The following DSTYK variants were observed in gnomAD, a reference collection of about 807,000 sequenced individuals.
DSTYK encodes RIP-homologous kinase.
DSTYK carries 34 observed loss-of-function variants against 98.7 expected under a neutral mutation model. That is an observed-to-expected ratio of 0.34 (90% CI 0.26 to 0.46). The LOEUF (loss-of-function observed/expected upper bound fraction) is 0.46, where lower values mean the gene tolerates loss of function less well. DSTYK is among the 20% of genes least tolerant of loss of function. The pLI, the probability that DSTYK is intolerant of heterozygous loss-of-function variation, is 1.00. For synonymous variants in DSTYK, 462 were observed against 457.3 expected (o/e 1.01, Z -0.13); for missense variants, 962 against 1,181.7 (o/e 0.81, Z 2.73).
Position 205,208,880 on chromosome 1 carries a change from G to A in DSTYK, c.265+2391C>T, listed in dbSNP as rs111918929. ...TGCATCCCTCAAATATACATATTAAGTGTCCCTTCACTAACTTTCCTTGGT... is the reference window on the plus strand; with the variant it reads ...TGCATCCCTCAAATATACATATTAAATGTCCCTTCACTAACTTTCCTTGGT... On this transcript the variant is annotated intron_variant, in intron 1 of 12. Coordinates refer to ENST00000367162, the MANE Select transcript of DSTYK (RefSeq NM_015375.3). Among the ~76,000 whole-genome samples, 1,262 of 152,234 alleles carry A rather than the reference G, an allele frequency of 8.3e-3. 21 individuals are homozygous for A. Among genetic ancestry groups the A allele is most frequent in the African/African-American group, 0.029 (1,208 of 41,544 alleles).
At chr1:205,206,465 C>T (rs1266791485) in intron 1 of DSTYK, among the ~76,000 whole-genome samples, 1 of 149,736 alleles carries the variant, frequency 6.7e-6, no homozygotes, top group African/African-American at 2.5e-5. Flanking sequence ...TTTTAGTAGA[C>T]ATGGGGTTTC....
chr1:205,187,417 C>T lies in DSTYK; in HGVS notation c.654+1G>A, dbSNP rs201091809. 588 of 1,602,522 alleles carry T rather than the reference C, an allele frequency of 3.7e-4. No homozygotes were observed. The highest frequency in any genetic ancestry group is 8.4e-4 in the Admixed American group (50 of 59,186). On this transcript the variant is annotated splice_donor_variant, in intron 2 of 12. Transcript: ENST00000367162. LOFTEE classifies it high-confidence loss of function. Reference sequence around the variant, plus strand: ...TTGGTATAGAAGTATGAGATTGGTACCTGTAAGAGAGCATGGTGCATCGTT... The same window carrying T: ...TTGGTATAGAAGTATGAGATTGGTATCTGTAAGAGAGCATGGTGCATCGTT...
intron 1 of DSTYK, among the ~76,000 whole-genome samples, chr1:205,194,390 G>A (rs1658800903): frequency 6.6e-6 from 1 of 152,108 alleles, no homozygotes; most frequent in Non-Finnish European, 1.5e-5. Flanking sequence ...ACAAAAGTTG[G>A]TGAAATAGAA....
intron 1 of DSTYK, among the ~76,000 whole-genome samples, chr1:205,205,954 C>T (rs886371608): frequency 1.3e-5 from 2 of 152,122 alleles, no homozygotes; most frequent in African/African-American, 4.8e-5. Context: ...TTTTTATGTA[C>T]GTGTTTTATG....
rs563027124 is a variant in DSTYK, at chr1:205,143,709, G to A, written c.*3849C>T. On this transcript the variant is annotated 3_prime_UTR_variant, in exon 13 of 13. Coordinates refer to ENST00000367162, the MANE Select transcript of DSTYK (RefSeq NM_015375.3). ...TGTCACTTTGCAGCCCTGCAACCCC[G>A]AGGCACTTCTTCCATGAGGAAGAAC... 2.6e-5 allele frequency: 4 copies of A among 152,688 alleles called. No individual in the cohort carries two copies. The South Asian group carries it at 6.2e-4, about 24-fold the overall frequency. 9.5% of individuals were successfully genotyped at this position (152,688 alleles called of 1,614,324 possible).
At chr1:205,194,751 A>G (rs1181487565) in intron 1 of DSTYK, among the ~76,000 whole-genome samples, 2 of 151,916 alleles carry the variant, frequency 1.3e-5, no homozygotes, top group African/African-American at 2.4e-5. Context: ...GCTGGAGTGC[A>G]GTAGCATGAT....
chr1:205,211,647 C>G lies in DSTYK; in HGVS notation c.-112G>C. 1 of 1,363,084 alleles carries G rather than the reference C, an allele frequency of 7.3e-7. No homozygotes were observed. The highest frequency in any genetic ancestry group is 1.5e-5 in the African/African-American group (1 of 64,930). 84.4% of individuals were successfully genotyped at this position (1,363,084 alleles called of 1,614,324 possible). ...AGGAATCCGCCTCCTGACGCCCCCG[C>G]CTGCAGTCAGCCTGGCTCCCAACCT... On this transcript the variant is annotated 5_prime_UTR_variant, in exon 1 of 13. Transcript: ENST00000367162.
intron 2 of DSTYK, among the ~76,000 whole-genome samples, chr1:205,170,923 C>A (rs1658041844): frequency 6.6e-6 from 1 of 151,514 alleles, no homozygotes; most frequent in Non-Finnish European, 1.5e-5. Flanking sequence ...TGGAAGCCAG[C>A]ACTAAAGATG....
chr1:205,179,523 A>G (rs1316976419), intron 2 of DSTYK, among the ~76,000 whole-genome samples: 1 of 151,260 alleles, frequency 6.6e-6, no homozygotes, highest in Non-Finnish European at 1.5e-5. Context: ...TGGGAGGCTG[A>G]GGCAGGAGAA....
chr1:205,154,969 AATTT>A (rs34240202), intron 10 of DSTYK, among the ~76,000 whole-genome samples: 71,731 of 147,686 alleles, frequency 0.49, 19,955 homozygotes, highest in Non-Finnish European at 0.62. Flanking sequence ...TGGTGGAAGA[AATTT>A]ATTTATTTAT....
intron 1 of DSTYK, among the ~76,000 whole-genome samples, chr1:205,203,964 A>C (rs553440567): frequency 6.6e-6 from 1 of 152,256 alleles, no homozygotes; most frequent in African/African-American, 2.4e-5. Flanking sequence ...TGGGAAACAG[A>C]TTACCCCCAG....
intron 2 of DSTYK, among the ~76,000 whole-genome samples, chr1:205,181,655 T>G (rs7529447): frequency 0.016 from 1,760 of 112,876 alleles, 23 homozygotes; most frequent in Middle Eastern, 0.072. Flanking sequence ...GATGTTGGGG[T>G]TTGTGTGTGT....
intron 3 of DSTYK, among the ~76,000 whole-genome samples, chr1:205,164,445 G>A (rs1312217478): frequency 6.7e-6 from 1 of 150,240 alleles, no homozygotes; most frequent in Non-Finnish European, 1.5e-5. Context: ...AGTCTAGAAT[G>A]AGACTGTTGA....
intron 5 of DSTYK, 98 bp from the exon 6 acceptor site, chr1:205,162,310 G>C: frequency 7.1e-7 from 1 of 1,412,992 alleles, no homozygotes; most frequent in Non-Finnish European, 9.6e-7. Flanking sequence ...CATTCATTAA[G>C]AGCAGGCTCA....
intron 10 of DSTYK, among the ~76,000 whole-genome samples, chr1:205,156,335 C>T (rs1232908012): frequency 6.6e-6 from 1 of 152,216 alleles, no homozygotes; most frequent in African/African-American, 2.4e-5. Flanking sequence ...ACACTCAACA[C>T]CAGCCCATGA....
chr1:205,170,441 T>C (rs1384800791), intron 2 of DSTYK, among the ~76,000 whole-genome samples: 2 of 152,156 alleles, frequency 1.3e-5, no homozygotes, highest in Non-Finnish European at 2.9e-5. Flanking sequence ...CCCCCATGGG[T>C]CTGTAAACTC....
intron 1 of DSTYK, among the ~76,000 whole-genome samples, chr1:205,209,402 G>A (rs1659298873): frequency 6.6e-6 from 1 of 152,112 alleles, no homozygotes; most frequent in Non-Finnish European, 1.5e-5. Context: ...GCTGTTTTCT[G>A]GTAGCCTCAC....
intron 6 of DSTYK, 96 bp from the exon 7 acceptor site, chr1:205,161,483 T>G: frequency 7.9e-7 from 1 of 1,269,876 alleles, no homozygotes; most frequent in Non-Finnish European, 1.1e-6. Context: ...TTCATATAGA[T>G]AATTGTGAGA....
At chr1:205,193,411 A>C (rs1424623200) in intron 1 of DSTYK, among the ~76,000 whole-genome samples, 1 of 152,212 alleles carries the variant, frequency 6.6e-6, no homozygotes, top group Non-Finnish European at 1.5e-5. Context: ...ACAATAGCCC[A>C]AAGTATGGTG....
Sources: gnomAD v4.1 joint callset for allele counts (sites outside exome capture counted in the v4.1 genomes callset) on GRCh38, gnomAD v4.1.1 for gene constraint, MANE v1.5 for transcripts, NCBI Gene and HGNC (gene_info 2026-07-23, HGNC 2026-07-21) for gene names.